The following SV2C variants were observed in gnomAD, a reference collection of about 807,000 sequenced individuals.
SV2C encodes solute carrier family 22 member B3.
A neutral mutation model predicts 79.7 loss-of-function variants in SV2C; 49 were observed. The observed-to-expected ratio is 0.61, with a 90% CI of 0.49 to 0.78. The LOEUF (loss-of-function observed/expected upper bound fraction) is 0.78. Among genes scored for constraint, SV2C ranks in the 30% least tolerant of loss-of-function variants. The pLI is 0.00. For synonymous variants in SV2C, 334 were observed against 333.2 expected (o/e 1.00, Z -0.03); for missense variants, 833 against 912.9 (o/e 0.91, Z 1.13).
chr5:76,064,080 C>A, the SV2C span, among the ~76,000 whole-genome samples: 1 of 152,100 alleles, frequency 6.6e-6, no homozygotes, highest in East Asian at 1.9e-4. Context: ...AGGGCTGCAG[C>A]CTAAATATAA....
chr5:76,292,019 A>G (rs954984324), intron 8 of SV2C, among the ~76,000 whole-genome samples, 163 bp downstream of exon 8: 14 of 152,138 alleles, frequency 9.2e-5, no homozygotes, highest in Admixed American at 2.0e-4. Context: ...TTTATAAACC[A>G]GTTATTTTAT....
the SV2C span, among the ~76,000 whole-genome samples, chr5:75,969,108 T>C: frequency 3.9e-5 from 6 of 152,076 alleles, no homozygotes; most frequent in East Asian, 1.9e-4. Context: ...TAAAATACTT[T>C]ACAGACAAAC....
the SV2C span, among the ~76,000 whole-genome samples, chr5:75,945,527 C>T: frequency 6.6e-6 from 1 of 151,948 alleles, no homozygotes; most frequent in Admixed American, 6.6e-5. Context: ...CCATGTTGCT[C>T]AGGCTGGTCT....
intron 4 of SV2C, among the ~76,000 whole-genome samples, chr5:76,276,007 G>T (rs1429484909): frequency 6.6e-6 from 1 of 152,194 alleles, no homozygotes; most frequent in Non-Finnish European, 1.5e-5. Context: ...CTAACTGCAG[G>T]TAAGTATCCA....
In SV2C at chr5:76,349,385, C is replaced by T. The variant is rs567373121; in HGVS notation, c.2001-3745C>T. The stretch of plus-strand genomic sequence containing the variant: ...AAAATTAGCCAGGCATGGTGACGCG[C>T]ACCTGTAACCCAGCTACTCAGGAGG... On this transcript the variant is annotated intron_variant, in intron 12 of 12. Coordinates refer to the SV2C transcript ENST00000322285. 1.8e-4 allele frequency among the ~76,000 whole-genome samples: 28 copies of T among 152,080 alleles called. No individual in the cohort carries two copies. The South Asian group carries it at 2.7e-3, about 15-fold the overall frequency.
chr5:76,204,333 T>G (rs964044982), intron 3 of SV2C, among the ~76,000 whole-genome samples: 3 of 152,244 alleles, frequency 2.0e-5, no homozygotes, highest in African/African-American at 4.8e-5. Flanking sequence ...GGCCAGACCA[T>G]TCACTAATCT....
At chr5:75,887,138 G>A in the SV2C span, among the ~76,000 whole-genome samples, 2 of 151,898 alleles carry the variant, frequency 1.3e-5, no homozygotes, top group African/African-American at 2.4e-5. Context: ...TTGATTATAT[G>A]TATACATTGT....
At chr5:75,878,534 A>G in the SV2C span, among the ~76,000 whole-genome samples, 1 of 152,054 alleles carries the variant, frequency 6.6e-6, no homozygotes, top group Non-Finnish European at 1.5e-5. Context: ...TTTTATTAAA[A>G]CCCCAAAATA....
the SV2C span, among the ~76,000 whole-genome samples, chr5:75,971,847 A>G: frequency 6.6e-6 from 1 of 152,066 alleles, no homozygotes; most frequent in Non-Finnish European, 1.5e-5. Flanking sequence ...TATGGAACCA[A>G]AAAAGAGCCC....
At chr5:75,997,298 A>G in the SV2C span, among the ~76,000 whole-genome samples, 2 of 152,124 alleles carry the variant, frequency 1.3e-5, no homozygotes, top group Non-Finnish European at 2.9e-5. Context: ...TCATGTCTAC[A>G]ACACCAAAAG....
chr5:76,315,278 GCATT>G (rs1377026867), intron 12 of SV2C, among the ~76,000 whole-genome samples: 1 of 150,838 alleles, frequency 6.6e-6, no homozygotes, highest in East Asian at 1.9e-4. Flanking sequence ...GAAAACAATT[GCATT>G]CAGTCTTTTC....
chr5:76,195,238 C>A, intron 3 of SV2C, 139 bp downstream of exon 3: 1 of 841,438 alleles, frequency 1.2e-6, no homozygotes, highest in Non-Finnish European at 1.9e-6. Context: ...AACCACAATG[C>A]TGGTTCTTAG....
intron 12 of SV2C, among the ~76,000 whole-genome samples, chr5:76,304,867 TG>T (rs1748131551): frequency 1.3e-5 from 2 of 152,180 alleles, no homozygotes; most frequent in South Asian, 4.1e-4. Context: ...GGTTTGTTCT[TG>T]CATTCCTATA....
chr5:75,988,155 A>G, the SV2C span, among the ~76,000 whole-genome samples: 1 of 151,980 alleles, frequency 6.6e-6, no homozygotes, highest in Non-Finnish European at 1.5e-5. Flanking sequence ...AAGATAGGAC[A>G]TTACTGTATA....
At chr5:76,046,134 G>A in the SV2C span, among the ~76,000 whole-genome samples, 1 of 152,154 alleles carries the variant, frequency 6.6e-6, no homozygotes, top group Non-Finnish European at 1.5e-5. Flanking sequence ...TGAGGGGGAA[G>A]GAAGTGTCTT....
intron 12 of SV2C, among the ~76,000 whole-genome samples, chr5:76,309,969 C>T (rs1021490530): frequency 2.6e-5 from 4 of 151,702 alleles, no homozygotes; most frequent in Admixed American, 6.6e-5. Flanking sequence ...TGGGGCTGTC[C>T]GATTGGCATT....
the SV2C span, among the ~76,000 whole-genome samples, chr5:75,995,719 C>G: frequency 6.6e-6 from 1 of 152,062 alleles, no homozygotes; most frequent in Admixed American, 6.6e-5. Flanking sequence ...TGATTATATT[C>G]AGAGCTCATA....
chr5:76,027,394 C>G, the SV2C span, among the ~76,000 whole-genome samples: 1 of 151,108 alleles, frequency 6.6e-6, no homozygotes, highest in South Asian at 2.1e-4. Flanking sequence ...TTTTTTTTGT[C>G]ATTTCTTATT....
chr5:75,898,591 T>G, the SV2C span, among the ~76,000 whole-genome samples: 6 of 152,196 alleles, frequency 3.9e-5, no homozygotes, highest in Non-Finnish European at 5.9e-5. Context: ...ATAAAATGAG[T>G]TAGGGAGGAT....
Sources: gnomAD v4.1 joint callset for allele counts (sites outside exome capture counted in the v4.1 genomes callset) on GRCh38, gnomAD v4.1.1 for gene constraint, MANE v1.5 for transcripts, NCBI Gene and HGNC (gene_info 2026-07-23, HGNC 2026-07-21) for gene names.